The following TACC2 variants were observed in gnomAD, a reference collection of about 807,000 sequenced individuals.
TACC2 encodes the protein transforming acidic coiled-coil containing protein 2, also known as transforming acidic coiled-coil-containing protein 2.
Under a neutral mutation model 227.3 loss-of-function variants are expected in TACC2, and 137 were observed. The observed-to-expected ratio is 0.60, with a 90% CI of 0.52 to 0.69. The LOEUF (loss-of-function observed/expected upper bound fraction) is 0.69. Ranked by LOEUF, TACC2 falls within the 30% of genes least tolerant of loss-of-function variation. The probability of loss-of-function intolerance (pLI) is 0.00; values close to 1 mark genes in which losing one functional copy is unlikely to be tolerated. For missense variants in TACC2, 3,470 were observed against 3,694.4 expected (o/e 0.94, Z 1.57); for synonymous variants, 1,523 against 1,487.5 (o/e 1.02, Z -0.55).
chr10:122,069,519 G>C (rs1391724250), intron 3 of TACC2, among the ~76,000 whole-genome samples: 1 of 152,196 alleles, frequency 6.6e-6, no homozygotes, highest in African/African-American at 2.4e-5. Flanking sequence ...TGGGATTACA[G>C]GTGTGAGCCA....
chr10:122,124,905 A>G (rs2086542044), intron 5 of TACC2, among the ~76,000 whole-genome samples: 1 of 152,150 alleles, frequency 6.6e-6, no homozygotes, highest in Non-Finnish European at 1.5e-5. Context: ...ATCATTTGAG[A>G]GCAAGTTTCA....
intron 7 of TACC2, among the ~76,000 whole-genome samples, chr10:122,149,820 C>T (rs1034257892): frequency 6.6e-5 from 10 of 152,188 alleles, no homozygotes; most frequent in African/African-American, 2.4e-4. Context: ...ACTGGGCTCT[C>T]GTGGCATCAT....
rs1284295154 is a variant in TACC2 at position 122,050,650 on chromosome 10, C to G, written c.146+100C>G. On this transcript the variant is annotated intron_variant, in intron 3 of 22. Transcript: ENST00000369005. The surrounding 1 kb of genome is among the most constrained non-coding windows in gnomAD (Gnocchi z 4.6). ...GCCCCATTTGCTTTGGAAACTGGAC[C>G]CTTAGACACATGGTATCGTCCTCAG... 1 of 873,908 alleles carries G rather than the reference C, an allele frequency of 1.1e-6. No individual in the cohort carries two copies. The highest frequency in any genetic ancestry group is 1.7e-5 in the African/African-American group (1 of 59,306). 54.1% of individuals were successfully genotyped at this position (873,908 alleles called of 1,614,324 possible). A position where few individuals can be genotyped will look rare whatever the true frequency, so the allele number is the denominator to read the frequency against.
chr10:122,066,559 G>A (rs901723742), intron 3 of TACC2, among the ~76,000 whole-genome samples: 6 of 152,096 alleles, frequency 3.9e-5, no homozygotes, highest in Admixed American at 1.3e-4. Flanking sequence ...GAGCCACCGC[G>A]CCCAGCTTAA....
chr10:122,077,114 CAAAAAAAAAAAA>C (rs973879242), intron 3 of TACC2, among the ~76,000 whole-genome samples: 1 of 67,040 alleles, frequency 1.5e-5, no homozygotes, highest in African/African-American at 5.8e-5. Context: ...GACTCTGTCT[CAAAAAAAAAAAA>C]AAAAAAAAGA....
chr10:122,026,187 G>T (rs1957984924), intron 2 of TACC2, among the ~76,000 whole-genome samples: 1 of 150,420 alleles, frequency 6.6e-6, no homozygotes, highest in Admixed American at 6.6e-5. Flanking sequence ...AATTAGCCGG[G>T]CATGGTGGGG....
chr10:122,066,307 C>T (rs755536234), intron 3 of TACC2, among the ~76,000 whole-genome samples: 7 of 149,778 alleles, frequency 4.7e-5, no homozygotes, highest in African/African-American at 9.9e-5. Context: ...GAGTCTCTGT[C>T]GCACAGGCTG....
At chr10:122,008,155 A>G (rs966096947) in intron 1 of TACC2, among the ~76,000 whole-genome samples, 3 of 152,076 alleles carry the variant, frequency 2.0e-5, no homozygotes, top group African/African-American at 7.2e-5. Context: ...CCCAGTTGCC[A>G]TTGGGTATTC....
chr10:122,111,069 C>G (rs141965029), intron 5 of TACC2, among the ~76,000 whole-genome samples: 3 of 152,186 alleles, frequency 2.0e-5, no homozygotes, highest in African/African-American at 7.2e-5. Context: ...CTTTCTCTGA[C>G]TCTCTTCTTC....
At chr10:122,250,284 G>A (rs1293258014) in intron 22 of TACC2, among the ~76,000 whole-genome samples, 3 of 152,214 alleles carry the variant, frequency 2.0e-5, no homozygotes, top group Admixed American at 6.5e-5. Context: ...GTGAGTGAGG[G>A]CCAGCCTCCC....
intron 18 of TACC2, among the ~76,000 whole-genome samples, chr10:122,241,002 C>A (rs143529603): frequency 6.6e-6 from 1 of 151,974 alleles, no homozygotes; most frequent in Non-Finnish European, 1.5e-5. Flanking sequence ...GAAGAAGATG[C>A]GGATAAAAGG....
At chr10:122,033,828 C>T (rs554236478) in intron 2 of TACC2, among the ~76,000 whole-genome samples, 7 of 152,112 alleles carry the variant, frequency 4.6e-5, no homozygotes, top group South Asian at 2.1e-4. Flanking sequence ...CCTGGCCAGG[C>T]GTGGCAGTCA....
In TACC2 at chr10:122,211,100, C is replaced by T. The variant is rs758745427; in HGVS notation, c.6675C>T (p.Asn2225=). ...CTTCTGGAGGTGGCAGAGTGCAGAA[C>T]TCACCCCCTGTCGGGAGGAAAACGC... The part of the protein sequence containing the change: ...PPASGGGRVQ[N]SPPVGRKTLP... The change falls in exon 9 of 23, where the codon AAC becomes AAT. Residue 2225 remains asparagine (N), a synonymous_variant. Coordinates refer to ENST00000369005, the MANE Select transcript of TACC2 (RefSeq NM_206862.4). The T allele has an allele frequency of 2.5e-5, 41 of 1,612,378 alleles. No individual in the cohort carries two copies. The highest frequency in any genetic ancestry group is 1.6e-4 in the Middle Eastern group (1 of 6,068).
intron 7 of TACC2, among the ~76,000 whole-genome samples, chr10:122,152,359 A>T (rs1365195109): frequency 6.6e-6 from 1 of 152,232 alleles, no homozygotes; most frequent in African/African-American, 2.4e-5. Flanking sequence ...AACAAAAAGA[A>T]ATAAGCAAAC....
At position 122,230,524 on chromosome 10, in the gene TACC2, G is replaced by A. The variant is rs2095717094; in HGVS notation, c.8127+84G>A. The stretch of plus-strand genomic sequence containing the variant: ...CCAGAAGCTGCTTTGCTAACCATCC[G>A]CCAGGCGGGCATCATCGGTGTCCAG... On this transcript the variant is annotated intron_variant, in intron 16 of 22. Coordinates refer to ENST00000369005, the MANE Select transcript of TACC2 (RefSeq NM_206862.4). The A allele has an allele frequency of 3.3e-5, 42 of 1,276,268 alleles. 1 individual carries two copies. The South Asian group carries it at 4.5e-4, about 14-fold the overall frequency. The allele number at this position is 1,276,268 out of a possible 1,614,324, so 79.1% of individuals were successfully genotyped here. A position where few individuals can be genotyped will look rare whatever the true frequency, so the allele number is the denominator to read the frequency against.
rs182359366 is a variant in TACC2, at chr10:122,188,855, G to A, written c.5835-6185G>A. On this transcript the variant is annotated intron_variant, in intron 7 of 22. Transcript: ENST00000369005. ...TCTCGGGGTAAATGTGTTGTCATCTGCTTTGATTTTTCGCGAGGCAGCCGT... is the reference window on the plus strand; with the variant it reads ...TCTCGGGGTAAATGTGTTGTCATCTACTTTGATTTTTCGCGAGGCAGCCGT... Among the ~76,000 whole-genome samples, 734 of 152,296 alleles carry A rather than the reference G, an allele frequency of 4.8e-3. 3 individuals are homozygous for A. Among genetic ancestry groups the A allele is most frequent in the Non-Finnish European group, 8.8e-3 (601 of 68,028 alleles).
intron 6 of TACC2, among the ~76,000 whole-genome samples, chr10:122,142,983 C>T (rs909007405): frequency 3.9e-5 from 6 of 152,206 alleles, no homozygotes; most frequent in Non-Finnish European, 7.3e-5. Context: ...CGCTGTGGTT[C>T]CCTGGCTGTC....
chr10:122,112,937 G>GAGCGCTGCCCC (rs1305387458), intron 5 of TACC2: 1 of 152,044 alleles, frequency 6.6e-6, no homozygotes. Flanking sequence ...GCAGCTGGCC[G>GAGCGCTGCCCC]AGCGCTGCCC....
At chr10:122,173,975 C>T (rs2093595698) in intron 7 of TACC2, among the ~76,000 whole-genome samples, 2 of 152,200 alleles carry the variant, frequency 1.3e-5, no homozygotes, top group South Asian at 4.1e-4. Flanking sequence ...TGGGCTGAGC[C>T]AAGCCAAGCC....
Sources: gnomAD v4.1 joint callset for allele counts (sites outside exome capture counted in the v4.1 genomes callset) on GRCh38, gnomAD v4.1.1 for gene constraint, Gnocchi (gnomAD v3.1) non-coding constraint, MANE v1.5 for transcripts, NCBI Gene and HGNC (gene_info 2026-07-23, HGNC 2026-07-21) for gene names.